PCDH15: variants seen among roughly 807,000 people sequenced by gnomAD.
The protein encoded by PCDH15 is protocadherin related 15.
PCDH15 carries 129 observed loss-of-function variants against 178.5 expected under a neutral mutation model. The ratio of observed to expected loss-of-function variants is 0.72; its 90% CI spans 0.63 to 0.84. The LOEUF (loss-of-function observed/expected upper bound fraction) is 0.84, where lower values mean the gene tolerates loss of function less well. PCDH15 is among the 40% of genes least tolerant of loss of function. The probability of loss-of-function intolerance (pLI) is 0.00; values close to 1 mark genes in which losing one functional copy is unlikely to be tolerated. For synonymous variants in PCDH15, 800 were observed against 732.0 expected, an observed-to-expected ratio of 1.09 and a Z score of -1.50; for missense variants, 2,230 against 2,099.9, an observed-to-expected ratio of 1.06 and a Z score of -1.21.
intron 32 of PCDH15, chr10:53,825,166 G>C: frequency 3.9e-6 from 6 of 1,526,708 alleles, no homozygotes; most frequent in Non-Finnish European, 4.4e-6. Flanking sequence ...GTGAGAAACA[G>C]AAAACATGTG....
chr10:54,320,599 G>T (rs2061539051), intron 7 of PCDH15, among the ~76,000 whole-genome samples: 1 of 151,726 alleles, frequency 6.6e-6, no homozygotes, highest in African/African-American at 2.4e-5. Flanking sequence ...AAAAAAAATA[G>T]CTCATCAAAC....
At chr10:54,888,216 A>G (rs892807152) in intron 3 of PCDH15, among the ~76,000 whole-genome samples, 19 of 152,088 alleles carry the variant, frequency 1.2e-4, no homozygotes, top group African/African-American at 4.6e-4. Context: ...TTGCCATTCC[A>G]GACATTCACT....
At chr10:54,449,610 G>A (rs979134404) in intron 3 of PCDH15, among the ~76,000 whole-genome samples, 20 of 151,796 alleles carry the variant, frequency 1.3e-4, no homozygotes, top group African/African-American at 4.8e-4. Context: ...TAGGTTTTGA[G>A]AAAGATTCTA....
intron 1 of PCDH15, among the ~76,000 whole-genome samples, chr10:54,791,225 C>T (rs1054664562): frequency 1.3e-5 from 2 of 151,884 alleles, no homozygotes; most frequent in African/African-American, 4.8e-5. Flanking sequence ...AGGTAGTACT[C>T]AGCAATCAAG....
rs139440036 is a variant in PCDH15, at chr10:54,598,721, A to G, written c.91+65451T>C. Reference sequence around the variant, plus strand: ...CAGATGAAATGATTCTATATCTAGAAAAGCCCAGTTTCAGCTCGAAAGCTC... The same window carrying G: ...CAGATGAAATGATTCTATATCTAGAGAAGCCCAGTTTCAGCTCGAAAGCTC... On this transcript the variant is annotated intron_variant, in intron 2 of 37. Transcript: ENST00000644397. Among the ~76,000 whole-genome samples, 750 of 152,278 alleles carry G rather than the reference A, an allele frequency of 4.9e-3. 7 individuals carry two copies. Among genetic ancestry groups the G allele is most frequent in the African/African-American group, 0.017 (722 of 41,564 alleles).
At chr10:53,961,929 C>T in intron 21 of PCDH15, 37 bp from the exon 22 acceptor site, 1 of 1,511,038 alleles carries the variant, frequency 6.6e-7, no homozygotes, top group South Asian at 1.1e-5. Flanking sequence ...TTGCTGTTAC[C>T]AAGTTAAAAC....
At chr10:54,207,113 G>A (rs1219516394) in intron 10 of PCDH15, among the ~76,000 whole-genome samples, 1 of 152,096 alleles carries the variant, frequency 6.6e-6, no homozygotes, top group African/African-American at 2.4e-5. Context: ...TCACCTCTGT[G>A]TGTCTTTTGT....
At chr10:55,081,034 G>T (rs1304883129) in intron 2 of PCDH15, among the ~76,000 whole-genome samples, 1 of 152,062 alleles carries the variant, frequency 6.6e-6, no homozygotes, top group African/African-American at 2.4e-5. Context: ...GAGCTTTGGG[G>T]GTCTCCAGAT....
At chr10:53,987,515 C>A (rs1319504092) in intron 21 of PCDH15, among the ~76,000 whole-genome samples, 3 of 146,778 alleles carry the variant, frequency 2.0e-5, no homozygotes, top group Non-Finnish European at 3.0e-5. Flanking sequence ...ATAATTAAGG[C>A]ACCATAAATT....
chr10:55,171,901 T>C (rs1839343418), intron 1 of PCDH15, among the ~76,000 whole-genome samples: 1 of 106,216 alleles, frequency 9.4e-6, no homozygotes, highest in African/African-American at 3.2e-5. Context: ...GCAGTATATT[T>C]AACCAGAAAA....
chr10:54,262,335 C>T (rs1173265620), intron 8 of PCDH15, among the ~76,000 whole-genome samples: 1 of 152,158 alleles, frequency 6.6e-6, no homozygotes, highest in Non-Finnish European at 1.5e-5. Flanking sequence ...TAGGCCCCAT[C>T]ACCCATGCTG....
chr10:55,116,522 T>C (rs985770695), intron 2 of PCDH15, among the ~76,000 whole-genome samples: 15 of 152,118 alleles, frequency 9.9e-5, no homozygotes, highest in African/African-American at 3.6e-4. Flanking sequence ...GTTGGAGATA[T>C]ATGCATCAAG....
chr10:55,319,227 T>G (rs998139153), intron 1 of PCDH15, among the ~76,000 whole-genome samples: 1 of 151,862 alleles, frequency 6.6e-6, no homozygotes, highest in Admixed American at 6.6e-5. Flanking sequence ...CAGAAGAAAA[T>G]AACACATATA....
chr10:54,696,955 G>A (rs959874550), intron 1 of PCDH15, among the ~76,000 whole-genome samples: 21 of 152,052 alleles, frequency 1.4e-4, no homozygotes, highest in South Asian at 6.2e-4. Context: ...GGAAATTTAC[G>A]TTTCTTTTAG....
intron 3 of PCDH15, among the ~76,000 whole-genome samples, chr10:54,499,375 C>T (rs1414936092): frequency 6.6e-6 from 1 of 152,088 alleles, no homozygotes; most frequent in African/African-American, 2.4e-5. Flanking sequence ...ATGCATCCTT[C>T]TCATCTGAAC....
At chr10:54,728,618 G>T (rs1045405231) in intron 1 of PCDH15, among the ~76,000 whole-genome samples, 12 of 151,114 alleles carry the variant, frequency 7.9e-5, no homozygotes, top group African/African-American at 2.7e-4. Context: ...GAAATAAAAT[G>T]CATCCAAATA....
intron 1 of PCDH15, among the ~76,000 whole-genome samples, chr10:54,690,252 T>A (rs1210557182): frequency 6.6e-6 from 1 of 151,402 alleles, no homozygotes; most frequent in Non-Finnish European, 1.5e-5. Context: ...ATATAGTACA[T>A]AATACTCAAT....
intron 3 of PCDH15, among the ~76,000 whole-genome samples, chr10:54,401,764 T>C (rs901157009): frequency 6.6e-6 from 1 of 151,886 alleles, no homozygotes; most frequent in Non-Finnish European, 1.5e-5. Context: ...CTAAAACATA[T>C]ACAATTCAAA....
intron 2 of PCDH15, among the ~76,000 whole-genome samples, chr10:55,511,818 G>A (rs1434299316): frequency 6.6e-6 from 1 of 151,962 alleles, no homozygotes; most frequent in Admixed American, 6.6e-5. Flanking sequence ...ATCTAGAGTA[G>A]ACTGACTATA....
Sources: allele counts gnomAD v4.1 joint callset (sites outside exome capture counted in the v4.1 genomes callset), GRCh38; gene constraint gnomAD v4.1.1; transcripts MANE v1.5; gene names NCBI Gene and HGNC (gene_info 2026-07-23, HGNC 2026-07-21).